The following TBC1D4 variants were observed in gnomAD, a reference collection of about 807,000 sequenced individuals.
TBC1D4 encodes TBC (Tre-2, BUB2, CDC16) domain-containing protein.
In TBC1D4, 121 loss-of-function variants were observed where a neutral mutation model predicts 142.5. That is an observed-to-expected ratio of 0.85 (90% confidence interval 0.73 to 0.99). TBC1D4 has a LOEUF of 0.99. TBC1D4 is among the 50% of genes least tolerant of loss of function. TBC1D4 has a pLI of 0.00. For missense variants in TBC1D4, 1,475 were observed against 1,606.6 expected, an observed-to-expected ratio of 0.92 and a Z score of 1.40; for synonymous variants, 630 against 628.2, an observed-to-expected ratio of 1.00 and a Z score of -0.04.
chr13:75,432,513 C>T (rs1011238460), intron 1 of TBC1D4, among the ~76,000 whole-genome samples: 1 of 152,054 alleles, frequency 6.6e-6, no homozygotes, highest in Non-Finnish European at 1.5e-5. Context: ...GAGGGCAGAA[C>T]CAGAATTCTG....
chr13:75,454,162 C>T (rs1464757036), intron 1 of TBC1D4, among the ~76,000 whole-genome samples: 1 of 152,006 alleles, frequency 6.6e-6, no homozygotes, highest in Non-Finnish European at 1.5e-5. Flanking sequence ...CCTGGGACTA[C>T]AGGTGTGCCA....
rs1267087833 is a variant in TBC1D4 at position 75,481,403 on chromosome 13, T to A, written c.365A>T (p.Lys122Met). The part of the protein sequence containing the change: ...PNPAVFIFEH[K>M]AQHISRFIHN... ...GATGAAGCGCGAGATATGCTGCGCC[T>A]TGTGCTCGAAGATGAATACCGCCGG... Residue 122 changes from lysine to methionine, a missense_variant, in exon 1 of 21, where the codon AAG (lysine) becomes ATG (methionine). Around this residue, in one of 2 missense-constraint regions of TBC1D4, gnomAD observed 1,227 missense variants for 1,267.7 expected, o/e 0.97. Coordinates refer to ENST00000377636, the MANE Select transcript of TBC1D4 (RefSeq NM_014832.5). The A allele has an allele frequency of 1.9e-6, 3 of 1,613,860 alleles. No individual in the cohort carries two copies. Among genetic ancestry groups the A allele is most frequent in the Non-Finnish European group, 2.5e-6 (3 of 1,179,828 alleles).
Position 75,284,711 on chromosome 13 carries a change from A to G in TBC1D4, c.*2081T>C, listed in dbSNP as rs1416373256. The G allele has an allele frequency of 6.6e-6, 1 of 152,252 alleles. No homozygotes were observed. The highest frequency in any genetic ancestry group is 2.4e-5 in the African/African-American group (1 of 41,470). The allele number at this position is 152,252 out of a possible 1,614,324, so 9.4% of individuals were successfully genotyped here. ...TATATTTATTGCAAAGGAACTAGAC[A>G]TTACATTAACCTGATGAAGATGTAA... On this transcript the variant is annotated 3_prime_UTR_variant, in exon 21 of 21. Transcript: ENST00000377636.
Position 75,481,477 on chromosome 13 carries a change from C to A in TBC1D4, c.291G>T (p.Pro97=). The A allele has an allele frequency of 6.2e-7, 1 of 1,613,306 alleles. No homozygotes were observed. The highest frequency in any genetic ancestry group is 8.5e-7 in the Non-Finnish European group (1 of 1,179,562). The change falls in exon 1 of 21, where the codon CCG becomes CCT. Residue 97 remains proline, a synonymous_variant. Transcript: ENST00000377636. ...TAGTGCCCCCCGAGGCCCCAGCGCC[C>A]GGCGCGGGGACGCAACGCAGGAAGG... ...SAPFLRCVPA[P]GAGASGGTSP... is the part of the protein sequence containing the mutation.
At chr13:75,410,164 C>T (rs187033419) in intron 1 of TBC1D4, among the ~76,000 whole-genome samples, 17 of 152,214 alleles carry the variant, frequency 1.1e-4, no homozygotes, top group Non-Finnish European at 1.8e-4. Context: ...TAAATGGTAC[C>T]TATAATTACT....
intron 1 of TBC1D4, among the ~76,000 whole-genome samples, chr13:75,379,184 C>A (rs144874754): frequency 6.6e-6 from 1 of 151,776 alleles, no homozygotes; most frequent in African/African-American, 2.4e-5. Flanking sequence ...TCCAGAGAAG[C>A]GAAATGACTA....
At chr13:75,409,026 T>A (rs1273634185) in intron 1 of TBC1D4, among the ~76,000 whole-genome samples, 1 of 115,964 alleles carries the variant, frequency 8.6e-6, no homozygotes, top group Non-Finnish European at 1.7e-5. Flanking sequence ...TGTGTGCATA[T>A]ATATATACAC....
chr13:75,472,310 T>G (rs935843126), intron 1 of TBC1D4, among the ~76,000 whole-genome samples: 2 of 151,478 alleles, frequency 1.3e-5, no homozygotes, highest in Non-Finnish European at 2.9e-5. Flanking sequence ...TCCCAGCTAC[T>G]CAGGAGGCAG....
At chr13:75,434,149 C>A (rs564564221) in intron 1 of TBC1D4, among the ~76,000 whole-genome samples, 7 of 152,268 alleles carry the variant, frequency 4.6e-5, no homozygotes, top group Admixed American at 4.6e-4. Context: ...ACTCAGCAAT[C>A]CCACTACTGG....
chr13:75,417,862 T>G (rs1474361953), intron 1 of TBC1D4, among the ~76,000 whole-genome samples: 1 of 152,212 alleles, frequency 6.6e-6, no homozygotes, highest in Non-Finnish European at 1.5e-5. Context: ...GACAGTCCTA[T>G]GTTCACATCG....
chr13:75,436,748 T>G (rs1156866313), intron 1 of TBC1D4, among the ~76,000 whole-genome samples: 1 of 152,180 alleles, frequency 6.6e-6, no homozygotes, highest in Non-Finnish European at 1.5e-5. Context: ...GTAAAATGTT[T>G]GATTAAAAAG....
chr13:75,348,954 AGTGTGTGTGTGT>A (rs55954112), intron 5 of TBC1D4, among the ~76,000 whole-genome samples: 9 of 139,164 alleles, frequency 6.5e-5, no homozygotes, highest in South Asian at 4.9e-4. Flanking sequence ...AGAGAGAGAG[AGTGTGTGTGTGT>A]GTGTGTGTGT....
chr13:75,302,096 T>A, intron 16 of TBC1D4, 147 bp downstream of exon 16: 1 of 926,202 alleles, frequency 1.1e-6, no homozygotes, highest in Non-Finnish European at 1.7e-6. Context: ...TAAGGCCAAC[T>A]TGCCCTCAGT....
intron 1 of TBC1D4, among the ~76,000 whole-genome samples, chr13:75,449,389 AAC>A (rs1887434560): frequency 6.6e-6 from 1 of 152,088 alleles, no homozygotes; most frequent in Non-Finnish European, 1.5e-5. Flanking sequence ...TAACAATAAC[AAC>A]TAATGATAAC....
At chr13:75,445,288 C>T (rs1029875798) in intron 1 of TBC1D4, among the ~76,000 whole-genome samples, 10 of 152,166 alleles carry the variant, frequency 6.6e-5, no homozygotes, top group African/African-American at 2.2e-4. Flanking sequence ...GTGCATGGAA[C>T]TATTCTCAAA....
chr13:75,325,187 T>C (rs1879121524), intron 10 of TBC1D4, among the ~76,000 whole-genome samples: 1 of 152,156 alleles, frequency 6.6e-6, no homozygotes, highest in Non-Finnish European at 1.5e-5. Flanking sequence ...CATTTAAATA[T>C]CTTGATATAC....
At chr13:75,287,405 G>A (rs1026765634) in intron 20 of TBC1D4, among the ~76,000 whole-genome samples, 6 of 152,234 alleles carry the variant, frequency 3.9e-5, no homozygotes, top group African/African-American at 7.2e-5. Context: ...GAAATACGGC[G>A]TTCTCTAAAC....
intron 16 of TBC1D4, among the ~76,000 whole-genome samples, chr13:75,300,969 C>T (rs1399702727): frequency 2.0e-5 from 3 of 152,156 alleles, no homozygotes; most frequent in Non-Finnish European, 4.4e-5. Context: ...GTAAAATCCC[C>T]TTTTTAATTC....
intron 1 of TBC1D4, among the ~76,000 whole-genome samples, chr13:75,414,153 T>C (rs796866666): frequency 6.6e-6 from 1 of 152,206 alleles, no homozygotes; most frequent in South Asian, 2.1e-4. Context: ...GTCATGTCAG[T>C]GACATGTCAG....
Sources: allele counts gnomAD v4.1 joint callset (sites outside exome capture counted in the v4.1 genomes callset), GRCh38; gene constraint gnomAD v4.1.1; regional missense constraint gnomAD v4.1.1; transcripts MANE v1.5; gene names NCBI Gene and HGNC (gene_info 2026-07-23, HGNC 2026-07-21).